Variants in CCDC138 observed in about 807,000 individuals in gnomAD.
The protein encoded by CCDC138 is coiled-coil domain-containing protein 138.
Under a neutral mutation model 82.3 loss-of-function variants are expected in CCDC138, and 66 were observed. The ratio of observed to expected loss-of-function variants is 0.80; its 90% CI spans 0.66 to 0.98. The LOEUF (loss-of-function observed/expected upper bound fraction) is 0.98, where lower values mean the gene tolerates loss of function less well. CCDC138 is among the 50% of genes least tolerant of loss of function. CCDC138 has a pLI of 0.00. For missense variants in CCDC138, 816 were observed against 758.9 expected (o/e 1.08, Z -0.88); for synonymous variants, 297 against 265.4 (o/e 1.12, Z -1.16).
downstream of CCDC138, among the ~76,000 whole-genome samples, chr2:108,878,968 C>T (rs1333062169): frequency 6.6e-6 from 1 of 151,950 alleles, no homozygotes; most frequent in Non-Finnish European, 1.5e-5. Context: ...AATAGAATGA[C>T]AGGAATGTGA....
intron 13 of CCDC138, among the ~76,000 whole-genome samples, chr2:108,872,288 C>T (rs759502948): frequency 6.6e-6 from 1 of 152,096 alleles, no homozygotes; most frequent in South Asian, 2.1e-4. Flanking sequence ...CCTTCTCATA[C>T]GCAGAATACA....
chr2:108,864,737 T>G (rs1476793862), intron 13 of CCDC138, among the ~76,000 whole-genome samples: 1 of 146,282 alleles, frequency 6.8e-6, no homozygotes. Flanking sequence ...GAGGTTGCAG[T>G]GAGTTGAGAG....
At chr2:108,811,297 G>A (rs1451549424) in intron 7 of CCDC138, among the ~76,000 whole-genome samples, 1 of 122,360 alleles carries the variant, frequency 8.2e-6, no homozygotes, top group African/African-American at 3.1e-5. Context: ...TTGAAGTGCA[G>A]TGGCATGACC....
chr2:108,794,692 G>T lies in CCDC138; in HGVS notation c.547G>T (p.Glu183Ter). 6.2e-7 allele frequency: 1 copy of T among 1,612,940 alleles called. No homozygotes were observed. The highest frequency in any genetic ancestry group is 8.5e-7 in the Non-Finnish European group (1 of 1,179,556). ...ACATCAGATCAGTCAGATATATGACGAATTATTTCAGATACATCTGAAATT... is the reference window on the plus strand; with the variant it reads ...ACATCAGATCAGTCAGATATATGACTAATTATTTCAGATACATCTGAAATT... Reference protein sequence around the residue: ...LPHQISQIYDELFQIHLKLQC... With the variant: ...LPHQISQIYD Residue 183 changes from glutamate to a stop codon, truncating the protein, a stop_gained, in exon 5 of 15, where the codon GAA becomes TAA. Coordinates refer to ENST00000295124, the MANE Select transcript of CCDC138 (RefSeq NM_144978.3). LOFTEE classifies it high-confidence loss of function.
In CCDC138 at chr2:108,856,980, T is replaced by A; in HGVS notation, c.1693+10T>A. ...ATGACGGTGGAATCTAGTAAGTTTT[T>A]AAGTTCTATATGTGTAAAGAAAGCA... is the stretch of plus-strand genomic sequence containing the variant. On this transcript the variant is annotated intron_variant, in intron 13 of 14. Coordinates refer to ENST00000295124, the MANE Select transcript of CCDC138 (RefSeq NM_144978.3). The A allele has an allele frequency of 6.5e-7, 1 of 1,527,548 alleles. No homozygotes were observed. The highest frequency in any genetic ancestry group is 2.3e-5 in the East Asian group (1 of 43,948). 94.6% of individuals were successfully genotyped at this position (1,527,548 alleles called of 1,614,324 possible).
chr2:108,798,667 A>T, intron 6 of CCDC138, 81 bp downstream of exon 6: 1 of 1,091,618 alleles, frequency 9.2e-7, no homozygotes, highest in South Asian at 1.6e-5. Flanking sequence ...ATTTTGTCAC[A>T]TTTGCTTATT....
In CCDC138 at chr2:108,825,440, A is replaced by C. The variant is rs188717351; in HGVS notation, c.1206+9335A>C. Among the ~76,000 whole-genome samples the C allele has an allele frequency of 6.4e-4, 97 of 152,084 alleles. 1 individual carries two copies. The highest frequency in any genetic ancestry group is 5.0e-3 in the East Asian group (26 of 5,176). On this transcript the variant is annotated intron_variant, in intron 10 of 14. Transcript: ENST00000295124. ...TTTTATCTCCTCTCTCCAAAAAAAAACCCAACCCATTAGCAGTTGCCCAAA... is the reference window on the plus strand; with the variant it reads ...TTTTATCTCCTCTCTCCAAAAAAAACCCCAACCCATTAGCAGTTGCCCAAA...
chr2:108,878,086 T>G (rs1189470584), downstream of CCDC138, among the ~76,000 whole-genome samples: 1 of 152,178 alleles, frequency 6.6e-6, no homozygotes, highest in Admixed American at 6.5e-5. Flanking sequence ...AGAAATGACT[T>G]AAAGATTAAT....
At chr2:108,810,609 T>G (rs931231806) in intron 7 of CCDC138, among the ~76,000 whole-genome samples, 12 of 152,210 alleles carry the variant, frequency 7.9e-5, no homozygotes, top group African/African-American at 2.9e-4. Context: ...TCAGGAATAT[T>G]GGCCTGGAGT....
At chr2:108,839,356 T>C in intron 11 of CCDC138, 55 bp downstream of exon 11, 1 of 1,403,488 alleles carries the variant, frequency 7.1e-7, no homozygotes, top group Non-Finnish European at 9.8e-7. Context: ...ATATTACTTC[T>C]TGATCTTGTT....
intron 11 of CCDC138, among the ~76,000 whole-genome samples, chr2:108,840,921 C>G (rs774597854): frequency 6.6e-6 from 1 of 152,120 alleles, no homozygotes; most frequent in Admixed American, 6.5e-5. Context: ...AAGTGATTCT[C>G]CTGCATCAGC....
Position 108,827,673 on chromosome 2 carries a change from A to G in CCDC138, c.1207-11512A>G, listed in dbSNP as rs781617626. 7.1e-4 allele frequency among the ~76,000 whole-genome samples: 108 copies of G among 152,112 alleles called. 1 individual carries two copies. The highest frequency in any genetic ancestry group is 1.2e-3 in the Non-Finnish European group (82 of 67,952). Reference sequence around the variant, plus strand: ...CTACTAAAAATACAAAAAATTAGCCAGGCGTGGTGGCAGGAGCTTGTAGTC... The same window carrying G: ...CTACTAAAAATACAAAAAATTAGCCGGGCGTGGTGGCAGGAGCTTGTAGTC... On this transcript the variant is annotated intron_variant, in intron 10 of 14. Transcript: ENST00000295124.
intron 12 of CCDC138, among the ~76,000 whole-genome samples, chr2:108,855,550 CTTTG>C (rs1350939011): frequency 3.3e-5 from 5 of 151,274 alleles, no homozygotes; most frequent in African/African-American, 9.7e-5. Flanking sequence ...AATCTAGCAA[CTTTG>C]TTTAACTTAA....
intron 12 of CCDC138, among the ~76,000 whole-genome samples, chr2:108,855,525 T>G (rs1408304146): frequency 2.0e-5 from 3 of 152,064 alleles, no homozygotes; most frequent in Non-Finnish European, 4.4e-5. Context: ...AAGGCAAGTC[T>G]GAACAGAATC....
At chr2:108,789,237 G>A (rs1054662594) in intron 3 of CCDC138, among the ~76,000 whole-genome samples, 5 of 152,136 alleles carry the variant, frequency 3.3e-5, no homozygotes, top group African/African-American at 1.2e-4. Flanking sequence ...ATATTTTTAT[G>A]GTTATTCATT....
chr2:108,854,024 TTATATTATATATAATATATAATAAATTTA>T (rs1558738487), intron 12 of CCDC138, among the ~76,000 whole-genome samples: 11 of 107,834 alleles, frequency 1.0e-4, no homozygotes, highest in South Asian at 7.3e-4. Flanking sequence ...TATAATAAAT[TTATATTATATATAATATATAATAAATTTA>T]TATTATATAT....
intron 7 of CCDC138, among the ~76,000 whole-genome samples, chr2:108,810,799 T>C (rs1231789756): frequency 6.6e-6 from 1 of 152,248 alleles, no homozygotes; most frequent in African/African-American, 2.4e-5. Context: ...AGTTCAGCAG[T>C]GAAGCCATTT....
At chr2:108,854,940 A>G (rs1692342022) in intron 12 of CCDC138, among the ~76,000 whole-genome samples, 1 of 152,252 alleles carries the variant, frequency 6.6e-6, no homozygotes, top group African/African-American at 2.4e-5. Flanking sequence ...CATATAAACA[A>G]AATAATGGAA....
chr2:108,802,060 T>C (rs1166249354), intron 6 of CCDC138, among the ~76,000 whole-genome samples: 4 of 144,090 alleles, frequency 2.8e-5, no homozygotes, highest in Non-Finnish European at 6.1e-5. Context: ...AGTCAGGTAG[T>C]GTGATGGCTC....
Sources: allele counts gnomAD v4.1 joint callset (sites outside exome capture counted in the v4.1 genomes callset), GRCh38; gene constraint gnomAD v4.1.1; transcripts MANE v1.5; gene names NCBI Gene and HGNC (gene_info 2026-07-23, HGNC 2026-07-21).